The following TCF7L1 variants were observed in gnomAD, a reference collection of about 807,000 sequenced individuals.
TCF7L1 encodes the protein transcription factor 7 like 1.
TCF7L1 carries 18 observed loss-of-function variants against 63.7 expected under a neutral mutation model. That is an observed-to-expected ratio of 0.28 (90% CI 0.20 to 0.42). The LOEUF (loss-of-function observed/expected upper bound fraction) is 0.42. TCF7L1 is among the 10% of genes least tolerant of loss of function. The pLI is 1.00. For synonymous variants in TCF7L1, 355 were observed against 340.9 expected, an observed-to-expected ratio of 1.04 and a Z score of -0.46; for missense variants, 654 against 779.3, an observed-to-expected ratio of 0.84 and a Z score of 1.91.
intron 4 of TCF7L1, among the ~76,000 whole-genome samples, chr2:85,295,374 T>G (rs925331546): frequency 2.0e-5 from 3 of 152,000 alleles, no homozygotes; most frequent in African/African-American, 7.2e-5. Flanking sequence ...GCTAATTTTG[T>G]ATTTTTAGTA....
At chr2:85,166,831 A>G (rs1398805147) in intron 3 of TCF7L1, 1 of 152,258 alleles carries the variant, frequency 6.6e-6, no homozygotes, top group Non-Finnish European at 1.5e-5. Context: ...TTCTCCAACC[A>G]CAAAAGATAA....
intron 3 of TCF7L1, among the ~76,000 whole-genome samples, chr2:85,232,456 A>T (rs1213088582): frequency 6.6e-6 from 1 of 152,174 alleles, no homozygotes; most frequent in Non-Finnish European, 1.5e-5. Flanking sequence ...CAGCAGTGAT[A>T]TGAGTGTCCT....
At chr2:85,180,625 C>T (rs970346885) in intron 3 of TCF7L1, among the ~76,000 whole-genome samples, 13 of 152,168 alleles carry the variant, frequency 8.5e-5, no homozygotes, top group East Asian at 3.9e-4. Context: ...TTGCCTTTCA[C>T]GTTCTTCAGA....
chr2:85,304,052 C>T (rs1682048067), intron 6 of TCF7L1, 55 bp downstream of exon 6: 3 of 1,436,720 alleles, frequency 2.1e-6, no homozygotes, highest in Non-Finnish European at 2.9e-6. Flanking sequence ...TGAGCTCTGC[C>T]TCTGTGCCCT....
intron 3 of TCF7L1, among the ~76,000 whole-genome samples, chr2:85,227,078 A>G (rs548170650): frequency 3.3e-5 from 5 of 152,304 alleles, no homozygotes; most frequent in South Asian, 2.1e-4. Context: ...CTGAGAAAAT[A>G]CAAGCACTTG....
intron 3 of TCF7L1, among the ~76,000 whole-genome samples, chr2:85,147,916 G>A (rs1420342393): frequency 6.6e-6 from 1 of 151,958 alleles, no homozygotes; most frequent in Non-Finnish European, 1.5e-5. Flanking sequence ...ATATTAAGTT[G>A]GACCATCATA....
At chr2:85,165,735 T>C (rs762719342) in intron 3 of TCF7L1, among the ~76,000 whole-genome samples, 1 of 152,244 alleles carries the variant, frequency 6.6e-6, no homozygotes, top group Non-Finnish European at 1.5e-5. Flanking sequence ...GGTTTGTTTT[T>C]TGTTTTAATT....
intron 3 of TCF7L1, among the ~76,000 whole-genome samples, chr2:85,249,878 C>T (rs1340937235): frequency 6.6e-6 from 1 of 152,178 alleles, no homozygotes; most frequent in East Asian, 1.9e-4. Flanking sequence ...GTTTCCTCAT[C>T]TGTGAAAAGG....
chr2:85,244,605 A>G (rs1573007574), intron 3 of TCF7L1, among the ~76,000 whole-genome samples: 1 of 152,276 alleles, frequency 6.6e-6, no homozygotes, highest in Middle Eastern at 3.4e-3. Context: ...CAGGTTTGGG[A>G]GGAAATAATT....
intron 3 of TCF7L1, among the ~76,000 whole-genome samples, chr2:85,264,348 AAAG>A (rs1680922211): frequency 6.6e-6 from 1 of 152,204 alleles, no homozygotes; most frequent in Non-Finnish European, 1.5e-5. Flanking sequence ...GACTTACAAA[AAAG>A]TATTCAAATG....
chr2:85,173,692 C>T (rs774988718), intron 3 of TCF7L1, among the ~76,000 whole-genome samples: 4 of 152,034 alleles, frequency 2.6e-5, no homozygotes, highest in Non-Finnish European at 5.9e-5. Context: ...CTGGTTTAAG[C>T]CAGTTTTTAA....
At chr2:85,198,741 G>A (rs1163086632) in intron 3 of TCF7L1, among the ~76,000 whole-genome samples, 2 of 152,142 alleles carry the variant, frequency 1.3e-5, no homozygotes, top group Non-Finnish European at 2.9e-5. Context: ...CACGCCTGTG[G>A]TCCTAGCTAC....
chr2:85,192,662 T>A (rs1679060313), intron 3 of TCF7L1, among the ~76,000 whole-genome samples: 1 of 151,282 alleles, frequency 6.6e-6, no homozygotes, highest in Admixed American at 6.6e-5. Context: ...GGATTACACG[T>A]GTGAGCCGTG....
rs149151481 is a variant in TCF7L1 at position 85,282,869 on chromosome 2, T to C, written c.442-626T>C. 4.0e-5 allele frequency among the ~76,000 whole-genome samples: 6 copies of C among 148,716 alleles called. No individual in the cohort carries two copies. The East Asian group carries it at 1.2e-3, about 30-fold the overall frequency. The stretch of plus-strand genomic sequence containing the variant: ...TGGGGAAGTACTGTTTGGTTTGGGT[T>C]TTTTGCACTGACATGAGAAAGAATG... On this transcript the variant is annotated intron_variant, in intron 3 of 11. Transcript: ENST00000282111.
Position 85,303,989 on chromosome 2 carries a change from C to T in TCF7L1, c.753C>T (p.Leu251=). The change falls in exon 6 of 12, where the codon CTC becomes CTT. Residue 251 remains leucine (L), a synonymous_variant. Transcript: ENST00000282111. ...AAATCCCCCACCCCCTCGGCTGGCTCGTCCCACAGTAAGGAACCCACAGCC... is the reference window on the plus strand; with the variant it reads ...AAATCCCCCACCCCCTCGGCTGGCTTGTCCCACAGTAAGGAACCCACAGCC... ...VGQIPHPLGW[L]VPQQGQPMYS... 6.2e-7 allele frequency: 1 copy of T among 1,602,572 alleles called. No homozygotes were observed. Among genetic ancestry groups the T allele is most frequent in the Non-Finnish European group, 8.5e-7 (1 of 1,174,296 alleles).
intron 3 of TCF7L1, among the ~76,000 whole-genome samples, chr2:85,197,097 T>C (rs918012327): frequency 2.6e-5 from 4 of 152,206 alleles, no homozygotes; most frequent in African/African-American, 9.6e-5. Context: ...AGTCCTCCTC[T>C]TCTTTTTCCT....
intron 3 of TCF7L1, among the ~76,000 whole-genome samples, chr2:85,154,975 C>G (rs1227559909): frequency 2.0e-5 from 3 of 152,150 alleles, no homozygotes; most frequent in African/African-American, 7.2e-5. Context: ...TGCCACCATG[C>G]CTGGCTAATT....
chr2:85,227,438 CT>C (rs562921251), intron 3 of TCF7L1, among the ~76,000 whole-genome samples: 2,744 of 141,194 alleles, frequency 0.019, 47 homozygotes, highest in Middle Eastern at 0.062. Flanking sequence ...AATACCCCCT[CT>C]TTTTTTTTTT....
chr2:85,290,738 G>A (rs1247244328), intron 4 of TCF7L1, among the ~76,000 whole-genome samples: 1 of 152,156 alleles, frequency 6.6e-6, no homozygotes, highest in African/African-American at 2.4e-5. Flanking sequence ...TGTGTAGAGG[G>A]AGAAAGATTT....
Sources: gnomAD v4.1 joint callset for allele counts (sites outside exome capture counted in the v4.1 genomes callset) on GRCh38, gnomAD v4.1.1 for gene constraint, MANE v1.5 for transcripts, NCBI Gene and HGNC (gene_info 2026-07-23, HGNC 2026-07-21) for gene names.